AGBL1: variants seen among roughly 807,000 people sequenced by gnomAD.
AGBL1 encodes the protein cytosolic carboxypeptidase 4.
Under a neutral mutation model 118.9 loss-of-function variants are expected in AGBL1, and 130 were observed. The ratio of observed to expected loss-of-function variants is 1.09; its 90% CI spans 0.95 to 1.26. The LOEUF (loss-of-function observed/expected upper bound fraction) is 1.26. Among genes scored for constraint, AGBL1 ranks in the 50% most tolerant of loss-of-function variants. The pLI, the probability that AGBL1 is intolerant of heterozygous loss-of-function variation, is 0.00. For missense variants in AGBL1, 1,584 were observed against 1,298.1 expected, an observed-to-expected ratio of 1.22 and a Z score of -3.38; for synonymous variants, 555 against 478.9, an observed-to-expected ratio of 1.16 and a Z score of -2.08.
chr15:86,927,348 G>T (rs1297978166), intron 23 of AGBL1, among the ~76,000 whole-genome samples: 3 of 151,848 alleles, frequency 2.0e-5, no homozygotes, highest in Non-Finnish European at 4.4e-5. Context: ...CAGCACTTTG[G>T]GAGGCTGAGG....
At chr15:86,082,065 G>T (rs960035662) in intron 1 of AGBL1, among the ~76,000 whole-genome samples, 1 of 152,206 alleles carries the variant, frequency 6.6e-6, no homozygotes, top group Non-Finnish European at 1.5e-5. Flanking sequence ...ATCAGAGTTT[G>T]GTTTAGAATT....
Position 86,944,458 on chromosome 15 carries a change from C to T in AGBL1, c.3222-43529C>T, listed in dbSNP as rs775594557. On this transcript the variant is annotated intron_variant, in intron 23 of 24. Coordinates refer to the AGBL1 transcript ENST00000441037. ...TGTGCAGGGAAAGCATGGCACCATT[C>T]GGGGAACATACTGAGCTGAGTTAGG... 2.0e-5 allele frequency among the ~76,000 whole-genome samples: 3 copies of T among 152,046 alleles called. No homozygotes were observed. In the South Asian group the frequency reaches 6.2e-4, roughly 32 times the overall value.
At chr15:86,503,985 G>C (rs966244868) in intron 18 of AGBL1, among the ~76,000 whole-genome samples, 19 of 151,478 alleles carry the variant, frequency 1.3e-4, no homozygotes, top group African/African-American at 4.6e-4. Flanking sequence ...TTTTGATTCT[G>C]TGTCTAGTTG....
At chr15:86,227,435 A>G (rs1387471624) in intron 6 of AGBL1, among the ~76,000 whole-genome samples, 2 of 152,274 alleles carry the variant, frequency 1.3e-5, no homozygotes, top group Non-Finnish European at 2.9e-5. Context: ...GGCATTTTGG[A>G]CAGGATAATT....
At chr15:86,354,151 C>G (rs2080676445) in intron 17 of AGBL1, among the ~76,000 whole-genome samples, 1 of 152,196 alleles carries the variant, frequency 6.6e-6, no homozygotes, top group African/African-American at 2.4e-5. Flanking sequence ...ACAACAGATA[C>G]TTTCTCCCAG....
chr15:86,298,189 G>A (rs1488430501), intron 17 of AGBL1, among the ~76,000 whole-genome samples: 1 of 143,852 alleles, frequency 7.0e-6, no homozygotes, highest in Non-Finnish European at 1.5e-5. Flanking sequence ...ACGTGCTGGG[G>A]CACAGTTTCA....
intron 22 of AGBL1, among the ~76,000 whole-genome samples, chr15:86,868,490 C>A (rs1204897886): frequency 1.3e-5 from 2 of 152,230 alleles, no homozygotes; most frequent in Non-Finnish European, 2.9e-5. Context: ...ATGTCCACTT[C>A]CCCACAAGGG....
At chr15:86,295,760 C>G (rs955275002) in intron 17 of AGBL1, 29 of 165,832 alleles carry the variant, frequency 1.7e-4, no homozygotes, top group African/African-American at 6.2e-4. Flanking sequence ...TTATGTGACT[C>G]TCAGTCAGTC....
chr15:86,728,442 C>T (rs754035419), intron 22 of AGBL1, among the ~76,000 whole-genome samples: 15 of 152,258 alleles, frequency 9.9e-5, no homozygotes, highest in Admixed American at 2.0e-4. Context: ...TAGGGTAGAA[C>T]GAGGCATTCC....
chr15:86,832,698 T>C (rs796429867), intron 22 of AGBL1, among the ~76,000 whole-genome samples: 3 of 152,340 alleles, frequency 2.0e-5, no homozygotes, highest in African/African-American at 7.2e-5. Flanking sequence ...TCAAAGCCAT[T>C]CAACAAAGGT....
At chr15:86,790,424 T>C (rs1030052041) in intron 22 of AGBL1, among the ~76,000 whole-genome samples, 3 of 151,824 alleles carry the variant, frequency 2.0e-5, no homozygotes, top group African/African-American at 7.3e-5. Flanking sequence ...AAAAAAACTT[T>C]CTCTCCCCAC....
intron 22 of AGBL1, among the ~76,000 whole-genome samples, chr15:86,724,921 A>G (rs1596409078): frequency 6.6e-6 from 1 of 152,208 alleles, no homozygotes; most frequent in African/African-American, 2.4e-5. Context: ...ACTGACAGCA[A>G]GCTTCCTGTG....
At chr15:86,755,159 C>T (rs535415767) in intron 22 of AGBL1, among the ~76,000 whole-genome samples, 30 of 151,800 alleles carry the variant, frequency 2.0e-4, no homozygotes, top group African/African-American at 7.2e-4. Flanking sequence ...TGGAAAAGAC[C>T]AAAAGGAAAA....
chr15:86,752,195 A>G (rs565489208), intron 22 of AGBL1, among the ~76,000 whole-genome samples: 1 of 152,190 alleles, frequency 6.6e-6, no homozygotes, highest in African/African-American at 2.4e-5. Flanking sequence ...CCAAAAGGCT[A>G]AATGAAGCCC....
chr15:86,255,698 C>T (rs1043543023), intron 7 of AGBL1, among the ~76,000 whole-genome samples: 1 of 152,066 alleles, frequency 6.6e-6, no homozygotes, highest in Non-Finnish European at 1.5e-5. Flanking sequence ...AGGATAATTG[C>T]TTGAACCCGG....
At chr15:86,155,607 C>T (rs1425733318) in intron 4 of AGBL1, among the ~76,000 whole-genome samples, 1 of 152,154 alleles carries the variant, frequency 6.6e-6, no homozygotes, top group African/African-American at 2.4e-5. Context: ...ATGTAATGAG[C>T]ATAGACTTTC....
rs993340010 is a variant in AGBL1, at chr15:86,909,551, T to A, written c.*2257T>A. On this transcript the variant is annotated 3_prime_UTR_variant, in exon 23 of 23. Coordinates refer to ENST00000614907, the MANE Select transcript of AGBL1 (RefSeq NM_001386094.1). ...CATTTTGTAGTTCAGAAATTGTATATCCATTCTTCATATTAAGACATGTAT... is the reference window on the plus strand; with the variant it reads ...CATTTTGTAGTTCAGAAATTGTATAACCATTCTTCATATTAAGACATGTAT... 1 of 152,224 alleles carries A rather than the reference T, an allele frequency of 6.6e-6. No homozygotes were observed. The highest frequency in any genetic ancestry group is 1.5e-5 in the Non-Finnish European group (1 of 68,042). The allele number at this position is 152,224 out of a possible 1,614,324, so 9.4% of individuals were successfully genotyped here. A position where few individuals can be genotyped will look rare whatever the true frequency, so the allele number is the denominator to read the frequency against.
chr15:86,692,305 C>T (rs1456690361), intron 22 of AGBL1, among the ~76,000 whole-genome samples: 1 of 152,050 alleles, frequency 6.6e-6, no homozygotes. Flanking sequence ...ATTGAGGAAA[C>T]TTCAATGAAG....
chr15:86,997,305 C>T (rs560480920), intron 24 of AGBL1, among the ~76,000 whole-genome samples: 94 of 152,248 alleles, frequency 6.2e-4, no homozygotes, highest in Non-Finnish European at 1.2e-3. Flanking sequence ...CAGGTCCTGG[C>T]GGCCTCCTGC....
Sources: gnomAD v4.1 joint callset for allele counts (sites outside exome capture counted in the v4.1 genomes callset) on GRCh38, gnomAD v4.1.1 for gene constraint, MANE v1.5 for transcripts, NCBI Gene and HGNC (gene_info 2026-07-23, HGNC 2026-07-21) for gene names.